The following SF3B2 variants were observed in gnomAD, a reference collection of about 807,000 sequenced individuals.
The protein encoded by SF3B2 is SAP 145.
SF3B2 carries 22 observed loss-of-function variants against 116.3 expected under a neutral mutation model. That is an observed-to-expected ratio of 0.19 (90% confidence interval 0.14 to 0.27). SF3B2 has a LOEUF of 0.27. Ranked by LOEUF, SF3B2 falls within the 10% of genes least tolerant of loss-of-function variation. The pLI, the probability that SF3B2 is intolerant of heterozygous loss-of-function variation, is 1.00. For synonymous variants in SF3B2, 406 were observed against 421.6 expected, an observed-to-expected ratio of 0.96 and a Z score of 0.45; for missense variants, 767 against 1,151.4, an observed-to-expected ratio of 0.67 and a Z score of 4.83.
chr11:66,052,598 G>A (rs982325800), intron 1 of SF3B2, 75 bp from the exon 2 acceptor site: 5 of 1,591,048 alleles, frequency 3.1e-6, no homozygotes, highest in African/African-American at 2.7e-5. Context: ...TCGGGTGCGA[G>A]GGGCGGAGGC....
chr11:66,067,518 G>T, intron 19 of SF3B2: 1 of 456,658 alleles, frequency 2.2e-6, no homozygotes, highest in Non-Finnish European at 4.4e-6. Context: ...ACTGGCTGTG[G>T]ATGGCTCTTG....
At chr11:66,058,466 A>G (rs1326871008) in intron 9 of SF3B2, 61 bp downstream of exon 9, 1 of 1,331,574 alleles carries the variant, frequency 7.5e-7, no homozygotes, top group Non-Finnish European at 1.1e-6. Context: ...TACGGAAATA[A>G]CACAATTTGT....
At chr11:66,057,023 G>C in intron 6 of SF3B2, 68 bp downstream of exon 6, 1 of 1,203,608 alleles carries the variant, frequency 8.3e-7, no homozygotes, top group Middle Eastern at 1.9e-4. Flanking sequence ...GACTTTTAAG[G>C]TATCTATCAC....
In SF3B2 at chr11:66,060,631, A is replaced by G; in HGVS notation, c.1679A>G (p.Lys560Arg). The change falls in exon 14 of 22, where the codon AAG becomes AGG. Residue 560 changes from lysine (K) to arginine (R), a missense_variant. Physicochemically the swap from Lys to Arg is conservative, Grantham distance 26 (BLOSUM62 2). Transcript: ENST00000322535. ...KSKMREKVRP[K>R]MGKIDIDYQK... The stretch of plus-strand genomic sequence containing the variant: ...AAAATGCGAGAGAAAGTTCGGCCTA[A>G]GATGGGCAAAATTGACATCGACTAC... The G allele has an allele frequency of 6.2e-7, 1 of 1,614,176 alleles. No individual in the cohort carries two copies. Among genetic ancestry groups the G allele is most frequent in the East Asian group, 2.2e-5 (1 of 44,882 alleles).
rs1426111525 is a variant in SF3B2, at chr11:66,055,269, A to G, written c.452A>G (p.Gln151Arg). 44 of 1,613,722 alleles carry G rather than the reference A, an allele frequency of 2.7e-5. No homozygotes were observed. The highest frequency in any genetic ancestry group is 3.7e-5 in the Non-Finnish European group (44 of 1,179,950). ...LSEEERLKLA[Q>R]QQAALLMQQE... is the part of the protein sequence containing the mutation. Reference sequence around the variant, plus strand: ...GAGGAGGAGCGGCTGAAGTTGGCTCAGCAGCAGGCGGCATTGCTGATGCAG... The same window carrying G: ...GAGGAGGAGCGGCTGAAGTTGGCTCGGCAGCAGGCGGCATTGCTGATGCAG... The change falls in exon 4 of 22, where the codon CAG (glutamine) becomes CGG (arginine). Residue 151 changes from glutamine to arginine, a missense_variant. Around this residue, in one of 4 missense-constraint regions of SF3B2, gnomAD observed 455 missense variants for 537.5 expected, o/e 0.85. Transcript: ENST00000322535.
At position 66,060,569 on chromosome 11, in the gene SF3B2, C is replaced by T. The variant is rs1373971006; in HGVS notation, c.1630-13C>T. 3.1e-6 allele frequency: 5 copies of T among 1,613,898 alleles called. No individual in the cohort carries two copies. Among genetic ancestry groups the T allele is most frequent in the Non-Finnish European group, 4.2e-6 (5 of 1,179,880 alleles). On this transcript the variant is annotated splice_polypyrimidine_tract_variant and intron_variant, in intron 13 of 21. Coordinates refer to ENST00000322535, the MANE Select transcript of SF3B2 (RefSeq NM_006842.3). ...AGTACTTGTTAAGGCTTGTTTGCTG[C>T]CATTCTCCACAGGAAGAACAGAAGA...
At chr11:66,065,054 C>G (rs1857158613) in intron 19 of SF3B2, 1 of 152,126 alleles carries the variant, frequency 6.6e-6, no homozygotes, top group African/African-American at 2.4e-5. Context: ...TCACTATAAC[C>G]TCCACCTCCT....
In SF3B2 at chr11:66,069,035, T is replaced by C; in HGVS notation, c.*290T>C. 1 of 427,276 alleles carries C rather than the reference T, an allele frequency of 2.3e-6. No individual in the cohort carries two copies. Among genetic ancestry groups the C allele is most frequent in the South Asian group, 2.4e-5 (1 of 41,816 alleles). The allele number at this position is 427,276 out of a possible 1,614,324, so 26.5% of individuals were successfully genotyped here. A position where few individuals can be genotyped will look rare whatever the true frequency, so the allele number is the denominator to read the frequency against. ...ACTGGGATTAGACGGCGCATTTGAC[T>C]GGTGGTGACGCCAACCCCAGGCTGA... On this transcript the variant is annotated 3_prime_UTR_variant, in exon 22 of 22. Coordinates refer to ENST00000322535, the MANE Select transcript of SF3B2 (RefSeq NM_006842.3).
At chr11:66,057,617 C>G (rs550714222) in intron 7 of SF3B2, among the ~76,000 whole-genome samples, 1 of 152,240 alleles carries the variant, frequency 6.6e-6, no homozygotes, top group East Asian at 1.9e-4. Flanking sequence ...GTGTTGCCCA[C>G]TCTCTGCTGC....
At position 66,068,819 on chromosome 11, in the gene SF3B2, C is replaced by T; in HGVS notation, c.*74C>T. The stretch of plus-strand genomic sequence containing the variant: ...CTTCACACAAGAACCACCTCTCCCG[C>T]AGTTCCCAAGGACTTGTCATTTCAT... On this transcript the variant is annotated 3_prime_UTR_variant, in exon 22 of 22. Coordinates refer to ENST00000322535, the MANE Select transcript of SF3B2 (RefSeq NM_006842.3). 7 of 1,169,850 alleles carry T rather than the reference C, an allele frequency of 6.0e-6. No individual in the cohort carries two copies. The highest frequency in any genetic ancestry group is 8.9e-6 in the Non-Finnish European group (7 of 787,238). 72.5% of individuals were successfully genotyped at this position (1,169,850 alleles called of 1,614,324 possible).
rs768550925 is a variant in SF3B2, at chr11:66,068,764, T to G, written c.*19T>G. The G allele has an allele frequency of 1.3e-6, 2 of 1,595,640 alleles. No homozygotes were observed. The highest frequency in any genetic ancestry group is 1.7e-5 in the Admixed American group (1 of 59,006). The stretch of plus-strand genomic sequence containing the variant: ...GTTTTAGGTCCCCTCACACTAGCCC[T>G]TTTTTTGGCCCTACGTCTGGATGCC... On this transcript the variant is annotated 3_prime_UTR_variant, in exon 22 of 22. Coordinates refer to ENST00000322535, the MANE Select transcript of SF3B2 (RefSeq NM_006842.3).
chr11:66,052,635 G>T (rs375757595), intron 1 of SF3B2, 38 bp from the exon 2 acceptor site: 23 of 1,595,170 alleles, frequency 1.4e-5, no homozygotes, highest in Admixed American at 1.8e-5. Flanking sequence ...ACCTGGCCGG[G>T]CTGGCCTGCC....
In SF3B2 at chr11:66,059,467, T is replaced by A; in HGVS notation, c.1321-48T>A. ...TAAGGTTGGGGTGGGTTGGGCAGTT[T>A]CATTCACATCTGAGTCCTGCTTAAA... is the stretch of plus-strand genomic sequence containing the variant. On this transcript the variant is annotated intron_variant, in intron 11 of 21. Transcript: ENST00000322535. The surrounding 1 kb of genome is among the most constrained non-coding windows in gnomAD (Gnocchi z 5.0). 1 of 1,611,456 alleles carries A rather than the reference T, an allele frequency of 6.2e-7. No individual in the cohort carries two copies. The highest frequency in any genetic ancestry group is 8.5e-7 in the Non-Finnish European group (1 of 1,177,692).
chr11:66,057,454 T>G, intron 7 of SF3B2, 79 bp downstream of exon 7: 6 of 753,656 alleles, frequency 8.0e-6, no homozygotes, highest in South Asian at 6.3e-5. Context: ...TAGAGAAAGG[T>G]TCTGTGAGAA....
chr11:66,068,456 C>T, intron 21 of SF3B2, 123 bp downstream of exon 21: 2 of 1,098,564 alleles, frequency 1.8e-6, no homozygotes, highest in Non-Finnish European at 2.6e-6. Context: ...TCTGTGCTTC[C>T]TTAGATTTGG....
intron 17 of SF3B2, 70 bp from the exon 18 acceptor site, chr11:66,063,330 G>C: frequency 2.7e-6 from 4 of 1,481,422 alleles, no homozygotes; most frequent in Non-Finnish European, 3.7e-6. Context: ...CACCCCTTCA[G>C]CTTAAAACAG....
rs1410339221 is a variant in SF3B2, at chr11:66,059,341, C to T, written c.1320+3C>T. ...ATGACAGCAGTGATGACGAGCAGGT[C>T]AGGCCCAGCCCTCCTGGTGGGAAGC... On this transcript the variant is annotated splice_donor_region_variant and intron_variant, in intron 11 of 21. Coordinates refer to ENST00000322535, the MANE Select transcript of SF3B2 (RefSeq NM_006842.3). This position sits in a 1 kb window ranked among gnomAD's most constrained non-coding sequence, Gnocchi z 5.0. 3 of 1,613,726 alleles carry T rather than the reference C, an allele frequency of 1.9e-6. No individual in the cohort carries two copies. In the African/African-American group the frequency reaches 4.0e-5, roughly 22 times the overall value.
In SF3B2 at chr11:66,068,832, C is replaced by G; in HGVS notation, c.*87C>G. ...CCACCTCTCCCGCAGTTCCCAAGGA[C>G]TTGTCATTTCATGTTCTTATTTTAG... On this transcript the variant is annotated 3_prime_UTR_variant, in exon 22 of 22. Transcript: ENST00000322535. 9.8e-7 allele frequency: 1 copy of G among 1,018,404 alleles called. No homozygotes were observed. The highest frequency in any genetic ancestry group is 1.5e-6 in the Non-Finnish European group (1 of 662,214). The allele number at this position is 1,018,404 out of a possible 1,614,324, so 63.1% of individuals were successfully genotyped here.
intron 9 of SF3B2, 95 bp from the exon 10 acceptor site, chr11:66,058,735 G>C (rs1857046412): frequency 9.2e-7 from 1 of 1,088,822 alleles, no homozygotes; most frequent in Non-Finnish European, 1.3e-6. Context: ...CCTGACTGTT[G>C]AACTGTGGGG....
Sources: gnomAD v4.1 joint callset for allele counts (sites outside exome capture counted in the v4.1 genomes callset) on GRCh38, gnomAD v4.1.1 for gene constraint, gnomAD v4.1.1 regional missense constraint, Gnocchi (gnomAD v3.1) non-coding constraint, MANE v1.5 for transcripts, NCBI Gene and HGNC (gene_info 2026-07-23, HGNC 2026-07-21) for gene names.